The following CCDC149 variants were observed in gnomAD, a reference collection of about 807,000 sequenced individuals.
CCDC149 encodes coiled-coil domain containing 149, also known as coiled-coil domain-containing protein 149.
CCDC149 carries 45 observed loss-of-function variants against 59.9 expected under a neutral mutation model. The ratio of observed to expected loss-of-function variants is 0.75; its 90% CI spans 0.59 to 0.96. CCDC149 has a LOEUF of 0.96. Among genes scored for constraint, CCDC149 ranks in the 40% least tolerant of loss-of-function variants. The pLI, the probability that CCDC149 is intolerant of heterozygous loss-of-function variation, is 0.00. For missense variants in CCDC149, 584 were observed against 664.7 expected (o/e 0.88, Z 1.33); for synonymous variants, 245 against 260.6 (o/e 0.94, Z 0.58).
intron 3 of CCDC149, among the ~76,000 whole-genome samples, chr4:24,855,535 A>G (rs1446792840): frequency 6.7e-6 from 1 of 149,430 alleles, no homozygotes; most frequent in Admixed American, 6.8e-5. Context: ...AGATCATGCC[A>G]CTGAACTCCA....
intron 1 of CCDC149, among the ~76,000 whole-genome samples, chr4:24,955,148 C>G (rs532477171): frequency 3.3e-5 from 5 of 152,178 alleles, no homozygotes; most frequent in Admixed American, 3.3e-4. Context: ...TTATTTTTCC[C>G]TTGGTTCTGG....
chr4:24,819,872 T>C lies in CCDC149; in HGVS notation c.1179A>G (p.Ala393=). 1 of 1,551,438 alleles carries C rather than the reference T, an allele frequency of 6.4e-7. No individual in the cohort carries two copies. Among genetic ancestry groups the C allele is most frequent in the South Asian group, 1.2e-5 (1 of 84,030 alleles). Residue 393 remains alanine, a synonymous_variant, in exon 12 of 13, where the codon GCA becomes GCG. Transcript: ENST00000635206. ...AGGCGTGCTTACCATCCTTGGGATC[T>C]GCTTTGTTCTCAGTGGGCTGCTCGA...
chr4:24,974,470 C>T (rs1396815072), intron 1 of CCDC149, among the ~76,000 whole-genome samples: 1 of 152,224 alleles, frequency 6.6e-6, no homozygotes, highest in Non-Finnish European at 1.5e-5. Context: ...CAACTCCCAG[C>T]TCTGCTGCAG....
chr4:24,979,396 C>T (rs1374404430), intron 1 of CCDC149, among the ~76,000 whole-genome samples: 2 of 152,162 alleles, frequency 1.3e-5, no homozygotes, highest in African/African-American at 2.4e-5. Context: ...AGAGCACAGA[C>T]AGGGTCTGCT....
chr4:24,979,372 G>A (rs1227766403), intron 1 of CCDC149, among the ~76,000 whole-genome samples: 1 of 152,162 alleles, frequency 6.6e-6, no homozygotes, highest in Non-Finnish European at 1.5e-5. Context: ...AGGATAGGCT[G>A]CAGGGAAATG....
intron 12 of CCDC149, among the ~76,000 whole-genome samples, chr4:24,810,418 A>AATATTACC (rs1445791941): frequency 2.6e-5 from 4 of 152,196 alleles, no homozygotes; most frequent in African/African-American, 9.7e-5. Context: ...TGAGAAACAA[A>AATATTACC]ATATTACCAA....
chr4:24,937,472 G>C (rs12651448), intron 1 of CCDC149, among the ~76,000 whole-genome samples: 31,570 of 152,182 alleles, frequency 0.21, 4,394 homozygotes, highest in African/African-American at 0.4. Flanking sequence ...TTAACAAATA[G>C]GTTATGCTGC....
At chr4:24,876,512 T>C (rs751263787) in intron 2 of CCDC149, 24 bp downstream of exon 2, 2 of 1,586,208 alleles carry the variant, frequency 1.3e-6, no homozygotes, top group Admixed American at 1.8e-5. Context: ...GGAAAGTCGC[T>C]GAACAGGGCA....
At chr4:24,955,923 T>C (rs1723451187) in intron 1 of CCDC149, among the ~76,000 whole-genome samples, 3 of 152,374 alleles carry the variant, frequency 2.0e-5, no homozygotes, top group South Asian at 2.1e-4. Context: ...AAAATTCTTA[T>C]AGAGACTTCA....
chr4:24,869,878 C>T (rs1577430988), intron 3 of CCDC149, among the ~76,000 whole-genome samples: 1 of 152,340 alleles, frequency 6.6e-6, no homozygotes, highest in Non-Finnish European at 1.5e-5. Flanking sequence ...GCTCTTCCAT[C>T]CCAAGTGATG....
upstream of CCDC149, among the ~76,000 whole-genome samples, chr4:24,916,503 C>A (rs936238852): frequency 2.0e-5 from 3 of 152,150 alleles, no homozygotes; most frequent in African/African-American, 4.8e-5. Flanking sequence ...GGCCAGGTCT[C>A]GGCAGCCCCA....
intron 12 of CCDC149, among the ~76,000 whole-genome samples, chr4:24,817,658 C>T (rs1715102396): frequency 6.7e-6 from 1 of 149,662 alleles, no homozygotes; most frequent in African/African-American, 2.4e-5. Context: ...TCCGGTTCTG[C>T]TAATCTAAGC....
At chr4:24,902,756 C>T (rs1408945491) in intron 1 of CCDC149, among the ~76,000 whole-genome samples, 1 of 152,160 alleles carries the variant, frequency 6.6e-6, no homozygotes, top group East Asian at 1.9e-4. Flanking sequence ...GGAGTGGTGG[C>T]TCACACCTTG....
At chr4:24,846,092 C>T (rs1432011209) in intron 4 of CCDC149, among the ~76,000 whole-genome samples, 1 of 152,166 alleles carries the variant, frequency 6.6e-6, no homozygotes, top group Non-Finnish European at 1.5e-5. Flanking sequence ...ACGTGGTCTA[C>T]CCAGACTATG....
At chr4:24,971,415 A>G (rs566807367) in intron 1 of CCDC149, among the ~76,000 whole-genome samples, 41 of 152,348 alleles carry the variant, frequency 2.7e-4, no homozygotes, top group African/African-American at 9.4e-4. Context: ...CTTCCAGTGC[A>G]GCATGATTCA....
At chr4:24,912,724 G>T in intron 1 of CCDC149, 93 bp downstream of exon 1, 1 of 918,892 alleles carries the variant, frequency 1.1e-6, no homozygotes, top group Non-Finnish European at 1.4e-6. Context: ...CCCCCCTCTC[G>T]TCCCTCCCAG....
At chr4:24,828,514 A>T (rs1441155724) in intron 9 of CCDC149, 1 of 152,174 alleles carries the variant, frequency 6.6e-6, no homozygotes, top group African/African-American at 2.4e-5. Flanking sequence ...ATGGTGGCTC[A>T]TGCCTGTAAT....
intron 1 of CCDC149, among the ~76,000 whole-genome samples, chr4:24,890,267 T>C (rs906235422): frequency 6.6e-6 from 1 of 152,170 alleles, no homozygotes; most frequent in African/African-American, 2.4e-5. Context: ...GCATTTCACA[T>C]ACATTAATCA....
intron 1 of CCDC149, among the ~76,000 whole-genome samples, chr4:24,961,346 G>A (rs2109361283): frequency 6.6e-6 from 1 of 152,258 alleles, no homozygotes; most frequent in East Asian, 1.9e-4. Flanking sequence ...TCCGCTCATG[G>A]GTAGGAAGAA....
Sources: gnomAD v4.1 joint callset for allele counts (sites outside exome capture counted in the v4.1 genomes callset) on GRCh38, gnomAD v4.1.1 for gene constraint, MANE v1.5 for transcripts, NCBI Gene and HGNC (gene_info 2026-07-23, HGNC 2026-07-21) for gene names.